Variants in MARCHF6 observed in about 807,000 individuals in gnomAD.
MARCHF6 encodes E3 ubiquitin-protein ligase MARCHF6.
Under a neutral mutation model 133.7 loss-of-function variants are expected in MARCHF6, and 31 were observed. The ratio of observed to expected loss-of-function variants is 0.23; its 90% CI spans 0.17 to 0.31. MARCHF6 has a LOEUF of 0.31. Ranked by LOEUF, MARCHF6 falls within the 10% of genes least tolerant of loss-of-function variation. The pLI is 1.00. For synonymous variants in MARCHF6, 395 were observed against 402.5 expected, an observed-to-expected ratio of 0.98 and a Z score of 0.22; for missense variants, 723 against 1,121.6, an observed-to-expected ratio of 0.64 and a Z score of 5.08.
intron 19 of MARCHF6, 41 bp downstream of exon 19, chr5:10,411,578 TG>T: frequency 6.5e-7 from 1 of 1,534,304 alleles, no homozygotes; most frequent in East Asian, 2.3e-5. Flanking sequence ...GAGGTTTTTT[TG>T]GTTTTTTTGT....
intron 7 of MARCHF6, among the ~76,000 whole-genome samples, chr5:10,392,556 C>G (rs1467775819): frequency 2.0e-5 from 3 of 152,006 alleles, no homozygotes; most frequent in Non-Finnish European, 4.4e-5. Flanking sequence ...GAGTTTGAGA[C>G]CAGCTTGGCC....
chr5:10,380,702 G>A (rs1737082875), intron 3 of MARCHF6, among the ~76,000 whole-genome samples: 2 of 152,114 alleles, frequency 1.3e-5, no homozygotes, highest in Non-Finnish European at 2.9e-5. Flanking sequence ...GAGGCAGGCG[G>A]ACCACCTGAG....
chr5:10,399,520 A>T (rs1469762700), intron 10 of MARCHF6, among the ~76,000 whole-genome samples: 1 of 152,108 alleles, frequency 6.6e-6, no homozygotes, highest in Non-Finnish European at 1.5e-5. Context: ...TTTTATTATT[A>T]GGAATGAAGT....
At chr5:10,354,060 G>A in intron 1 of MARCHF6, 143 bp downstream of exon 1, 1 of 773,490 alleles carries the variant, frequency 1.3e-6, no homozygotes, top group Non-Finnish European at 1.8e-6. Context: ...GGGCCTCTGG[G>A]CCGGGGAGCG....
intron 9 of MARCHF6, among the ~76,000 whole-genome samples, chr5:10,395,673 T>C (rs1323390304): frequency 6.6e-6 from 1 of 152,188 alleles, no homozygotes; most frequent in Non-Finnish European, 1.5e-5. Flanking sequence ...GTTGGAACAT[T>C]AATTTAACAG....
At chr5:10,384,303 CA>C (rs1247826823) in intron 4 of MARCHF6, among the ~76,000 whole-genome samples, 1 of 149,610 alleles carries the variant, frequency 6.7e-6, no homozygotes, top group South Asian at 2.2e-4. Context: ...GAATAAAAGG[CA>C]ATTGAATTCT....
Position 10,436,617 on chromosome 5 carries a change from T to C in MARCHF6, c.*2933T>C, listed in dbSNP as rs1274843658. ...TAGAAGACAAATCAGCATTTGGTGA[T>C]AGTTTTACATGACCAGTTATCAAAC... On this transcript the variant is annotated 3_prime_UTR_variant, in exon 26 of 26. Transcript: ENST00000274140. 1.3e-5 allele frequency: 2 copies of C among 152,226 alleles called. No homozygotes were observed. The highest frequency in any genetic ancestry group is 2.1e-4 in the South Asian group (1 of 4,826). 9.4% of individuals were successfully genotyped at this position (152,226 alleles called of 1,614,324 possible).
chr5:10,393,280 G>T (rs1737984902), intron 7 of MARCHF6, among the ~76,000 whole-genome samples: 1 of 152,074 alleles, frequency 6.6e-6, no homozygotes, highest in Admixed American at 6.5e-5. Context: ...TCTCCCTGTT[G>T]TCCTGGCTGG....
At chr5:10,423,218 G>C (rs1395255721) in intron 22 of MARCHF6, among the ~76,000 whole-genome samples, 1 of 151,956 alleles carries the variant, frequency 6.6e-6, no homozygotes, top group Non-Finnish European at 1.5e-5. Context: ...GTCTGGTGGA[G>C]AGCTGGAGGG....
At chr5:10,371,423 C>G (rs1003769755) in intron 1 of MARCHF6, among the ~76,000 whole-genome samples, 4 of 152,206 alleles carry the variant, frequency 2.6e-5, no homozygotes, top group African/African-American at 9.6e-5. Flanking sequence ...AATGGACTTA[C>G]AGTTCCATGT....
At chr5:10,387,433 G>A (rs1412788299) in intron 5 of MARCHF6, among the ~76,000 whole-genome samples, 1 of 151,826 alleles carries the variant, frequency 6.6e-6, no homozygotes, top group Non-Finnish European at 1.5e-5. Context: ...CTCCAGAGTA[G>A]CTGGGATTAC....
chr5:10,405,763 A>G (rs1738847944), intron 16 of MARCHF6, 86 bp downstream of exon 16: 4 of 1,260,878 alleles, frequency 3.2e-6, no homozygotes, highest in Non-Finnish European at 4.3e-6. Flanking sequence ...CCAGTTCTCA[A>G]GCAGGCTGAT....
At position 10,353,739 on chromosome 5, in the gene MARCHF6, T is replaced by C; in HGVS notation, c.-160T>C. On this transcript the variant is annotated 5_prime_UTR_variant, in exon 1 of 26. Transcript: ENST00000274140. ...CCGTGTCGCTCGCTTTCTGTCAGCC[T>C]CTCTCCCTCTCCCTCTCCCCTCTCC... 1.8e-5 allele frequency: 5 copies of C among 277,136 alleles called. No homozygotes were observed. The highest frequency in any genetic ancestry group is 2.6e-5 in the South Asian group (1 of 38,636). The allele number at this position is 277,136 out of a possible 1,614,324, so 17.2% of individuals were successfully genotyped here. A position where few individuals can be genotyped will look rare whatever the true frequency, so the allele number is the denominator to read the frequency against.
chr5:10,355,925 A>T (rs1438045524), intron 1 of MARCHF6, among the ~76,000 whole-genome samples: 1 of 152,238 alleles, frequency 6.6e-6, no homozygotes, highest in Non-Finnish European at 1.5e-5. Context: ...AATCATTTAT[A>T]TAATTTGGTG....
chr5:10,366,132 A>T (rs750697610), intron 1 of MARCHF6, among the ~76,000 whole-genome samples: 21 of 152,142 alleles, frequency 1.4e-4, no homozygotes, highest in Middle Eastern at 3.4e-3. Context: ...GGGTTTCGCC[A>T]TGTTGGCCAG....
At chr5:10,393,165 A>C (rs1188634344) in intron 7 of MARCHF6, among the ~76,000 whole-genome samples, 3 of 152,110 alleles carry the variant, frequency 2.0e-5, no homozygotes, top group Non-Finnish European at 4.4e-5. Flanking sequence ...TTTTGGGCTC[A>C]AGTGATCCTC....
intron 4 of MARCHF6, among the ~76,000 whole-genome samples, chr5:10,385,638 A>G (rs1179566712): frequency 6.6e-6 from 1 of 152,238 alleles, no homozygotes; most frequent in Non-Finnish European, 1.5e-5. Context: ...ACAAAAAGCC[A>G]GAGCAATATT....
chr5:10,423,704 G>C, intron 22 of MARCHF6, 31 bp from the exon 23 acceptor site: 1 of 1,467,976 alleles, frequency 6.8e-7, no homozygotes, highest in Non-Finnish European at 9.5e-7. Flanking sequence ...AAAAACAACA[G>C]AAATATGTTA....
chr5:10,409,560 C>G (rs1739103535), intron 17 of MARCHF6, among the ~76,000 whole-genome samples: 1 of 152,194 alleles, frequency 6.6e-6, no homozygotes, highest in South Asian at 2.1e-4. Context: ...TCTTACACGA[C>G]ATAAGCACTT....
Sources: gnomAD v4.1 joint callset for allele counts (sites outside exome capture counted in the v4.1 genomes callset) on GRCh38, gnomAD v4.1.1 for gene constraint, MANE v1.5 for transcripts, NCBI Gene and HGNC (gene_info 2026-07-23, HGNC 2026-07-21) for gene names.